Variants in VPS13A observed in about 807,000 individuals in gnomAD.
VPS13A encodes vacuolar protein sorting 13 homolog A.
A neutral mutation model predicts 390.9 loss-of-function variants in VPS13A; 264 were observed. The observed-to-expected ratio is 0.68, with a 90% CI of 0.61 to 0.75. VPS13A has a LOEUF of 0.75. Among genes scored for constraint, VPS13A ranks in the 30% least tolerant of loss-of-function variants. The probability of loss-of-function intolerance (pLI) is 0.00; values close to 1 mark genes in which losing one functional copy is unlikely to be tolerated. For synonymous variants in VPS13A, 1,231 were observed against 1,227.1 expected (o/e 1.00, Z -0.07); for missense variants, 3,409 against 3,733.9 (o/e 0.91, Z 2.27).
At chr9:77,320,205 A>T (rs1040924037) in intron 42 of VPS13A, among the ~76,000 whole-genome samples, 1 of 152,098 alleles carries the variant, frequency 6.6e-6, no homozygotes, top group Non-Finnish European at 1.5e-5. Flanking sequence ...AGGTTAAGAG[A>T]CTTCTTGAAG....
chr9:77,321,498 C>T lies in VPS13A; in HGVS notation c.5582C>T (p.Thr1861Ile), dbSNP rs763262686. Residue 1861 changes from threonine (T) to isoleucine (I), a missense_variant, in exon 44 of 72, where the codon ACA (threonine) becomes ATA (isoleucine). Transcript: ENST00000360280. ...ATAACTCTTTCTTATTAGGCATTTA[C>T]AGAAGCTGCCACTGGATCTTCAGCT... ...VMLNNLVKAFTEAATGSSADF... is the reference protein window; with the variant it reads ...VMLNNLVKAFIEAATGSSADF... The T allele has an allele frequency of 1.9e-6, 3 of 1,613,244 alleles. No individual in the cohort carries two copies. The highest frequency in any genetic ancestry group is 1.7e-5 in the Admixed American group (1 of 59,916).
chr9:77,212,778 C>T (rs1031715769), intron 7 of VPS13A, among the ~76,000 whole-genome samples, 191 bp from the exon 8 acceptor site: 2 of 152,092 alleles, frequency 1.3e-5, no homozygotes, highest in Non-Finnish European at 2.9e-5. Flanking sequence ...CTTTTCTGAC[C>T]CGCAATGAGC....
chr9:77,312,714 C>T (rs560379263), intron 35 of VPS13A, among the ~76,000 whole-genome samples: 4 of 152,146 alleles, frequency 2.6e-5, no homozygotes, highest in Non-Finnish European at 4.4e-5. Flanking sequence ...CATGCCCAGC[C>T]GTTCATATAA....
intron 50 of VPS13A, 80 bp downstream of exon 50, chr9:77,340,630 A>G (rs999396470): frequency 6.5e-7 from 1 of 1,540,362 alleles, no homozygotes; most frequent in East Asian, 2.3e-5. Flanking sequence ...TCACCATGTA[A>G]TGTTTTAACT....
intron 34 of VPS13A, among the ~76,000 whole-genome samples, chr9:77,306,913 T>A (rs1039014704): frequency 2.7e-5 from 4 of 149,496 alleles, no homozygotes; most frequent in Admixed American, 6.7e-5. Context: ...GCTCTTTATT[T>A]TTTTTTTTTT....
chr9:77,256,938 T>A (rs1825481764), intron 22 of VPS13A, among the ~76,000 whole-genome samples: 1 of 152,182 alleles, frequency 6.6e-6, no homozygotes, highest in African/African-American at 2.4e-5. Context: ...TCCTGTTTTT[T>A]AATCCATTTT....
intron 68 of VPS13A, among the ~76,000 whole-genome samples, chr9:77,391,862 G>T (rs962322793): frequency 4.6e-5 from 7 of 152,134 alleles, no homozygotes; most frequent in African/African-American, 1.2e-4. Context: ...ACAAAGAAAA[G>T]AATTAATGCC....
At chr9:77,210,559 G>A in intron 6 of VPS13A, 57 bp from the exon 7 acceptor site, 1 of 1,555,722 alleles carries the variant, frequency 6.4e-7, no homozygotes, top group South Asian at 1.1e-5. Flanking sequence ...TTTCTATAAA[G>A]TGGATTTTAT....
chr9:77,181,587 C>T lies in VPS13A; in HGVS notation c.100+3783C>T, dbSNP rs116401229. 2.3e-3 allele frequency among the ~76,000 whole-genome samples: 341 copies of T among 149,580 alleles called. 1 individual carries two copies. Among genetic ancestry groups the T allele is most frequent in the Middle Eastern group, 7.1e-3 (2 of 282 alleles). ...TTTAAGATAATATTTTATGGTCTAA[C>T]GTGAAGGACCTATTGGTAGTTGTAA... On this transcript the variant is annotated intron_variant, in intron 1 of 71. Coordinates refer to ENST00000360280, the MANE Select transcript of VPS13A (RefSeq NM_033305.3).
intron 10 of VPS13A, among the ~76,000 whole-genome samples, chr9:77,216,328 GA>G (rs1415900665): frequency 6.6e-6 from 1 of 152,178 alleles, no homozygotes; most frequent in Non-Finnish European, 1.5e-5. Flanking sequence ...AAGGGGGAAT[GA>G]AGGGTTTCTT....
At chr9:77,190,694 G>C (rs1178695556) in intron 1 of VPS13A, among the ~76,000 whole-genome samples, 7 of 152,142 alleles carry the variant, frequency 4.6e-5, no homozygotes. Flanking sequence ...ATTTGGTTAT[G>C]AATCCATCTG....
At chr9:77,316,148 T>C (rs1466196865) in intron 38 of VPS13A, 26 bp from the exon 39 acceptor site, 2 of 1,382,608 alleles carry the variant, frequency 1.4e-6, no homozygotes, top group East Asian at 2.4e-5. Context: ...ATAGCAAATA[T>C]TTTAATCTAT....
chr9:77,248,898 G>A (rs1824989557), intron 20 of VPS13A, among the ~76,000 whole-genome samples: 1 of 152,088 alleles, frequency 6.6e-6, no homozygotes, highest in South Asian at 2.1e-4. Flanking sequence ...AGCCCAGACA[G>A]TTTTTGTATT....
chr9:77,294,022 A>G (rs1274414209), intron 32 of VPS13A, among the ~76,000 whole-genome samples: 1 of 151,762 alleles, frequency 6.6e-6, no homozygotes, highest in African/African-American at 2.4e-5. Context: ...TCCCGCCCCA[A>G]CCTCCTGAGT....
chr9:77,268,538 C>G (rs990254608), intron 23 of VPS13A, among the ~76,000 whole-genome samples: 3 of 152,148 alleles, frequency 2.0e-5, no homozygotes, highest in African/African-American at 7.2e-5. Flanking sequence ...ATGCGGAAAT[C>G]ACTGGCCTTC....
At chr9:77,197,610 G>A (rs1214786513) in intron 1 of VPS13A, among the ~76,000 whole-genome samples, 1 of 151,952 alleles carries the variant, frequency 6.6e-6, no homozygotes, top group Non-Finnish European at 1.5e-5. Context: ...GGAATCAGAA[G>A]TGATATGGAT....
Position 77,221,430 on chromosome 9 carries a change from C to T in VPS13A, c.1161+74C>T, listed in dbSNP as rs1564641423. The T allele has an allele frequency of 1.2e-5, 18 of 1,500,142 alleles. 1 individual carries two copies. The highest frequency in any genetic ancestry group is 1.7e-5 in the Non-Finnish European group (18 of 1,089,938). The allele number at this position is 1,500,142 out of a possible 1,614,324, so 92.9% of individuals were successfully genotyped here. Reference sequence around the variant, plus strand: ...TTATTGGTCTTCAGTGACTGATACTCCCTACCTTTCATTCCAATTTTTATT... The same window carrying T: ...TTATTGGTCTTCAGTGACTGATACTTCCTACCTTTCATTCCAATTTTTATT... On this transcript the variant is annotated intron_variant, in intron 13 of 71. Coordinates refer to ENST00000360280, the MANE Select transcript of VPS13A (RefSeq NM_033305.3).
At chr9:77,263,553 G>A (rs944028607) in intron 23 of VPS13A, among the ~76,000 whole-genome samples, 6 of 152,132 alleles carry the variant, frequency 3.9e-5, no homozygotes, top group African/African-American at 1.4e-4. Flanking sequence ...CTTTTGAGAA[G>A]TGTCTGTTCA....
intron 33 of VPS13A, among the ~76,000 whole-genome samples, chr9:77,298,066 T>G (rs1248200985): frequency 1.3e-5 from 2 of 152,026 alleles, no homozygotes; most frequent in Non-Finnish European, 2.9e-5. Context: ...GAAATCAGCG[T>G]TTGATGATGA....
Sources: allele counts gnomAD v4.1 joint callset (sites outside exome capture counted in the v4.1 genomes callset), GRCh38; gene constraint gnomAD v4.1.1; transcripts MANE v1.5; gene names NCBI Gene and HGNC (gene_info 2026-07-23, HGNC 2026-07-21).